The following FRMD4A variants were observed in gnomAD, a reference collection of about 807,000 sequenced individuals.
The protein encoded by FRMD4A is FERM domain-containing protein 4A.
FRMD4A carries 29 observed loss-of-function variants against 129.1 expected under a neutral mutation model. That is an observed-to-expected ratio of 0.22 (90% CI 0.17 to 0.31). FRMD4A has a LOEUF of 0.31. Ranked by LOEUF, FRMD4A falls within the 10% of genes least tolerant of loss-of-function variation. The pLI is 1.00. For synonymous variants in FRMD4A, 634 were observed against 571.6 expected, an observed-to-expected ratio of 1.11 and a Z score of -1.56; for missense variants, 1,272 against 1,375.8, an observed-to-expected ratio of 0.92 and a Z score of 1.19.
chr10:14,326,102 A>C (rs1314220149), intron 2 of FRMD4A: 2 of 152,234 alleles, frequency 1.3e-5, no homozygotes, highest in African/African-American at 4.8e-5. Context: ...ACCTTGAAAA[A>C]ATGGCAGCTA....
intron 8 of FRMD4A, among the ~76,000 whole-genome samples, chr10:13,748,521 G>A (rs1223630645): frequency 1.3e-5 from 2 of 152,092 alleles, no homozygotes. Flanking sequence ...TGAGCGTCAT[G>A]TCAACACTCA....
chr10:13,707,975 A>G (rs2087639792), intron 12 of FRMD4A: 8 of 751,234 alleles, frequency 1.1e-5, no homozygotes, highest in Non-Finnish European at 1.3e-5. Flanking sequence ...CATTGGATGA[A>G]AAAGAAAGTT....
chr10:14,137,646 A>C (rs148299284), intron 2 of FRMD4A, among the ~76,000 whole-genome samples: 97 of 151,450 alleles, frequency 6.4e-4, no homozygotes, highest in African/African-American at 2.1e-3. Flanking sequence ...GAATGTAAAC[A>C]CCTCCCCCAC....
At chr10:13,859,041 T>C (rs757956204) in intron 2 of FRMD4A, 129 bp from the exon 3 acceptor site, 3 of 700,158 alleles carry the variant, frequency 4.3e-6, no homozygotes, top group Non-Finnish European at 7.8e-6. Context: ...CGGCACTGTA[T>C]AATGCCAGGA....
chr10:13,702,721 T>C (rs770068066), intron 13 of FRMD4A, among the ~76,000 whole-genome samples: 3 of 152,106 alleles, frequency 2.0e-5, no homozygotes, highest in Non-Finnish European at 4.4e-5. Flanking sequence ...TAACATTTTT[T>C]TTCATGGCTA....
chr10:13,741,671 C>T (rs1254140126), intron 9 of FRMD4A, among the ~76,000 whole-genome samples: 1 of 152,160 alleles, frequency 6.6e-6, no homozygotes, highest in African/African-American at 2.4e-5. Flanking sequence ...CAAGTGCCCA[C>T]AGCCTACCTG....
At position 13,913,170 on chromosome 10, in the gene FRMD4A, C is replaced by A. The variant is rs144402771; in HGVS notation, c.46-54258G>T. Among the ~76,000 whole-genome samples the A allele has an allele frequency of 2.7e-3, 406 of 151,496 alleles. 2 individuals carry two copies. Among genetic ancestry groups the A allele is most frequent in the African/African-American group, 9.2e-3 (382 of 41,318 alleles). ...CTTGGACACATTATGCTAACTGAAA[C>A]AAATCACTTACAAAAGACCACATAT... On this transcript the variant is annotated intron_variant, in intron 2 of 24. Coordinates refer to ENST00000357447, the MANE Select transcript of FRMD4A (RefSeq NM_018027.5).
intron 2 of FRMD4A, among the ~76,000 whole-genome samples, chr10:14,274,340 TC>T (rs1845266001): frequency 6.6e-6 from 1 of 152,182 alleles, no homozygotes; most frequent in Non-Finnish European, 1.5e-5. Flanking sequence ...TCTAAGCTCT[TC>T]CTATGCATGA....
intron 2 of FRMD4A, among the ~76,000 whole-genome samples, chr10:14,318,845 C>T (rs1186339925): frequency 2.0e-5 from 3 of 152,186 alleles, no homozygotes; most frequent in Non-Finnish European, 4.4e-5. Flanking sequence ...TATATCCTCT[C>T]ACCTTGGATC....
chr10:13,772,789 G>A (rs1294300578), intron 6 of FRMD4A, among the ~76,000 whole-genome samples: 2 of 152,174 alleles, frequency 1.3e-5, no homozygotes, highest in Non-Finnish European at 2.9e-5. Flanking sequence ...ATAGAAGGAT[G>A]GTTACCAGAG....
rs536855825 is a variant in FRMD4A, at chr10:13,986,411, G to A, written c.46-127499C>T. Among the ~76,000 whole-genome samples, 222 of 146,824 alleles carry A rather than the reference G, an allele frequency of 1.5e-3. 1 individual carries two copies. Among genetic ancestry groups the A allele is most frequent in the Non-Finnish European group, 1.5e-3 (103 of 67,108 alleles). Reference sequence around the variant, plus strand: ...CTATCACAAGGACAAAAAACCAAACGCTAAATGTTCTCACTCATAGATGGG... The same window carrying A: ...CTATCACAAGGACAAAAAACCAAACACTAAATGTTCTCACTCATAGATGGG... On this transcript the variant is annotated intron_variant, in intron 2 of 24. Transcript: ENST00000357447.
At chr10:13,719,987 C>T (rs974103514) in intron 12 of FRMD4A, among the ~76,000 whole-genome samples, 1 of 152,196 alleles carries the variant, frequency 6.6e-6, no homozygotes, top group Non-Finnish European at 1.5e-5. Context: ...CAGTCCCTCT[C>T]CTCCATTCTC....
At chr10:14,276,641 C>A (rs542144021) in intron 2 of FRMD4A, among the ~76,000 whole-genome samples, 1 of 152,282 alleles carries the variant, frequency 6.6e-6, no homozygotes, top group East Asian at 1.9e-4. Context: ...GAAGAGATAG[C>A]CCCTACATGG....
intron 15 of FRMD4A, among the ~76,000 whole-genome samples, chr10:13,689,649 C>T (rs2085483022): frequency 6.6e-6 from 1 of 150,530 alleles, no homozygotes; most frequent in Non-Finnish European, 1.5e-5. Flanking sequence ...AACTCCTGGG[C>T]TCACGTGATC....
chr10:13,721,498 A>G (rs2089408184), intron 12 of FRMD4A, among the ~76,000 whole-genome samples: 1 of 152,052 alleles, frequency 6.6e-6, no homozygotes, highest in South Asian at 2.1e-4. Flanking sequence ...AAAGAACTCG[A>G]TAAGACTTAT....
chr10:14,263,414 T>A (rs1443427049), intron 2 of FRMD4A, among the ~76,000 whole-genome samples: 1 of 152,224 alleles, frequency 6.6e-6, no homozygotes, highest in Non-Finnish European at 1.5e-5. Context: ...TTCCGTCGTC[T>A]TCCTTTGTTT....
chr10:13,743,157 G>A (rs2135060259), intron 9 of FRMD4A, among the ~76,000 whole-genome samples: 1 of 152,228 alleles, frequency 6.6e-6, no homozygotes, highest in South Asian at 2.1e-4. Flanking sequence ...ATTCAGAAAG[G>A]GGCAGACCCA....
At chr10:13,983,210 A>G (rs1040582110) in intron 2 of FRMD4A, among the ~76,000 whole-genome samples, 4 of 152,156 alleles carry the variant, frequency 2.6e-5, no homozygotes, top group Non-Finnish European at 4.4e-5. Flanking sequence ...AGTGTCCCAT[A>G]TAAGTGAAAT....
intron 12 of FRMD4A, among the ~76,000 whole-genome samples, chr10:13,716,794 C>T (rs1483613786): frequency 1.3e-5 from 2 of 152,210 alleles, no homozygotes; most frequent in Non-Finnish European, 2.9e-5. Context: ...TTGTTTTTCT[C>T]CATTGGACTT....
Sources: gnomAD v4.1 joint callset for allele counts (sites outside exome capture counted in the v4.1 genomes callset) on GRCh38, gnomAD v4.1.1 for gene constraint, MANE v1.5 for transcripts, NCBI Gene and HGNC (gene_info 2026-07-23, HGNC 2026-07-21) for gene names.